The following LUZP2 variants were observed in gnomAD, a reference collection of about 807,000 sequenced individuals.
The protein encoded by LUZP2 is leucine zipper protein 2.
LUZP2 carries 52 observed loss-of-function variants against 51.6 expected under a neutral mutation model. The ratio of observed to expected loss-of-function variants is 1.01; its 90% CI spans 0.81 to 1.27. The LOEUF (loss-of-function observed/expected upper bound fraction) is 1.27, where lower values mean the gene tolerates loss of function less well. Among genes scored for constraint, LUZP2 ranks in the 50% most tolerant of loss-of-function variants. The probability of loss-of-function intolerance (pLI) is 0.00; values close to 1 mark genes in which losing one functional copy is unlikely to be tolerated. For synonymous variants in LUZP2, 154 were observed against 137.3 expected (o/e 1.12, Z -0.85); for missense variants, 436 against 395.4 (o/e 1.10, Z -0.87).
intron 4 of LUZP2, among the ~76,000 whole-genome samples, chr11:24,753,742 C>T (rs1412124313): frequency 6.6e-6 from 1 of 152,112 alleles, no homozygotes; most frequent in Non-Finnish European, 1.5e-5. Flanking sequence ...CTATTTTACC[C>T]TCTCTTGTGC....
At chr11:24,807,331 G>A (rs919129631) in intron 5 of LUZP2, among the ~76,000 whole-genome samples, 4 of 151,936 alleles carry the variant, frequency 2.6e-5, no homozygotes, top group Admixed American at 6.6e-5. Context: ...GCGTAGTGGT[G>A]AGTGCCTGTA....
intron 1 of LUZP2, among the ~76,000 whole-genome samples, chr11:24,623,431 A>G (rs938099327): frequency 6.6e-5 from 10 of 152,194 alleles, no homozygotes; most frequent in South Asian, 4.1e-4. Flanking sequence ...AGATTCATAT[A>G]GAAGTTGAAT....
intron 1 of LUZP2, among the ~76,000 whole-genome samples, chr11:24,578,701 G>A (rs1189244446): frequency 1.3e-5 from 2 of 152,058 alleles, no homozygotes; most frequent in African/African-American, 4.8e-5. Flanking sequence ...AATACTGTAT[G>A]TTCTCACTTA....
chr11:24,729,322 G>T, intron 2 of LUZP2, 36 bp downstream of exon 2: 2 of 1,138,294 alleles, frequency 1.8e-6, no homozygotes, highest in Non-Finnish European at 1.2e-6. Flanking sequence ...CAGTAAAAGA[G>T]GAGCAGTCAT....
intron 1 of LUZP2, among the ~76,000 whole-genome samples, chr11:24,575,451 A>G (rs1236155922): frequency 6.6e-6 from 1 of 152,168 alleles, no homozygotes; most frequent in Non-Finnish European, 1.5e-5. Context: ...CATCATTGCC[A>G]TATTTCACTG....
At chr11:24,587,402 A>G (rs1853106248) in intron 1 of LUZP2, among the ~76,000 whole-genome samples, 1 of 152,100 alleles carries the variant, frequency 6.6e-6, no homozygotes, top group Non-Finnish European at 1.5e-5. Context: ...CACTCTTCCA[A>G]GGTGAGAGAT....
chr11:25,045,609 A>T (rs1387936153), intron 9 of LUZP2, among the ~76,000 whole-genome samples: 1 of 152,072 alleles, frequency 6.6e-6, no homozygotes. Flanking sequence ...TTGCATGAGA[A>T]AACATAATTA....
chr11:24,538,652 A>ATGTGTG (rs10627420), intron 1 of LUZP2, among the ~76,000 whole-genome samples: 1 of 146,250 alleles, frequency 6.8e-6, no homozygotes, highest in Non-Finnish European at 1.5e-5. Context: ...TGTTTTTTAT[A>ATGTGTG]TGTGTGTGTG....
intron 7 of LUZP2, among the ~76,000 whole-genome samples, chr11:24,971,908 G>A (rs139469390): frequency 1.0e-3 from 156 of 152,124 alleles, no homozygotes; most frequent in African/African-American, 3.5e-3. Context: ...GGGAGGCTGA[G>A]GCAGGCAGAT....
At chr11:24,791,219 T>A (rs1399939074) in intron 5 of LUZP2, among the ~76,000 whole-genome samples, 1 of 152,202 alleles carries the variant, frequency 6.6e-6, no homozygotes, top group African/African-American at 2.4e-5. Context: ...ATATTACAGA[T>A]CCAAGCTATC....
At chr11:25,008,934 C>T (rs928639562) in intron 9 of LUZP2, among the ~76,000 whole-genome samples, 1 of 152,166 alleles carries the variant, frequency 6.6e-6, no homozygotes, top group Non-Finnish European at 1.5e-5. Flanking sequence ...GTAGGCTCTT[C>T]CTGGAACTGG....
chr11:24,964,413 T>G (rs1037861099), intron 7 of LUZP2, among the ~76,000 whole-genome samples: 2 of 152,098 alleles, frequency 1.3e-5, no homozygotes, highest in African/African-American at 4.8e-5. Context: ...AAACAGCAAG[T>G]TTTTTCACTT....
At chr11:24,686,554 T>C (rs1856901883) in intron 1 of LUZP2, among the ~76,000 whole-genome samples, 1 of 152,194 alleles carries the variant, frequency 6.6e-6, no homozygotes, top group African/African-American at 2.4e-5. Context: ...TGTAAGTATA[T>C]CTGTTCAAAA....
intron 5 of LUZP2, among the ~76,000 whole-genome samples, chr11:24,875,107 T>C (rs1009638054): frequency 6.6e-6 from 1 of 151,980 alleles, no homozygotes; most frequent in Non-Finnish European, 1.5e-5. Context: ...TTTTTTTATT[T>C]TATTATTATT....
rs565726854 is a variant in LUZP2, at chr11:24,694,586, A to T, written c.63-34583A>T. ...CCATTACTGGGTATATACCCAAAAGATTAGAAATCATTCTGCTATAAAGAC... is the reference window on the plus strand; with the variant it reads ...CCATTACTGGGTATATACCCAAAAGTTTAGAAATCATTCTGCTATAAAGAC... On this transcript the variant is annotated intron_variant, in intron 1 of 11. Transcript: ENST00000336930. 2.6e-5 allele frequency among the ~76,000 whole-genome samples: 4 copies of T among 152,238 alleles called. No homozygotes were observed. The East Asian group carries it at 5.8e-4, about 22-fold the overall frequency.
intron 9 of LUZP2, among the ~76,000 whole-genome samples, chr11:25,021,698 G>A (rs532574547): frequency 7.2e-4 from 109 of 152,012 alleles, no homozygotes; most frequent in Non-Finnish European, 1.4e-3. Context: ...AAGGGAGCCA[G>A]GATAGGAAGA....
At chr11:24,730,780 C>T (rs557223805) in intron 2 of LUZP2, among the ~76,000 whole-genome samples, 1 of 151,890 alleles carries the variant, frequency 6.6e-6, no homozygotes, top group African/African-American at 2.4e-5. Flanking sequence ...TTATAACAGT[C>T]TAGAAAGTTG....
At chr11:24,666,533 T>C (rs1352010951) in intron 1 of LUZP2, among the ~76,000 whole-genome samples, 2 of 152,082 alleles carry the variant, frequency 1.3e-5, no homozygotes, top group Non-Finnish European at 2.9e-5. Flanking sequence ...TGAAAATAGC[T>C]CCTGAGATTC....
rs906210485 is a variant in LUZP2, at chr11:24,508,361, A to G, written c.62+11056A>G. ...TATACAGTTAAAGAAGGAAGGCAAA[A>G]TGTTACTTTTTCTCAGGTAAGCTCA... On this transcript the variant is annotated intron_variant, in intron 1 of 11. Coordinates refer to ENST00000336930, the MANE Select transcript of LUZP2 (RefSeq NM_001009909.4). 3.3e-5 allele frequency among the ~76,000 whole-genome samples: 5 copies of G among 152,312 alleles called. No homozygotes were observed. In the East Asian group the frequency reaches 5.8e-4, roughly 18 times the overall value.
Sources: gnomAD v4.1 joint callset for allele counts (sites outside exome capture counted in the v4.1 genomes callset) on GRCh38, gnomAD v4.1.1 for gene constraint, MANE v1.5 for transcripts, NCBI Gene and HGNC (gene_info 2026-07-23, HGNC 2026-07-21) for gene names.